KCNH1: variants seen among roughly 807,000 people sequenced by gnomAD.
The protein encoded by KCNH1 is voltage-gated delayed rectifier potassium channel KCNH1.
KCNH1 carries 27 observed loss-of-function variants against 69.2 expected under a neutral mutation model. The ratio of observed to expected loss-of-function variants is 0.39; its 90% CI spans 0.29 to 0.54. The LOEUF is 0.54. Ranked by LOEUF, KCNH1 falls within the 20% of genes least tolerant of loss-of-function variation. The pLI, the probability that KCNH1 is intolerant of heterozygous loss-of-function variation, is 0.68. For synonymous variants in KCNH1, 456 were observed against 487.7 expected (o/e 0.93, Z 0.86); for missense variants, 798 against 1,261.6 (o/e 0.63, Z 5.57).
chr1:211,115,222 C>T (rs1691548067), intron 1 of KCNH1, among the ~76,000 whole-genome samples: 1 of 152,192 alleles, frequency 6.6e-6, no homozygotes, highest in Non-Finnish European at 1.5e-5. Context: ...CTCCTAACAT[C>T]AAGTGATCCA....
chr1:210,776,666 TC>T (rs1439625083), intron 9 of KCNH1, among the ~76,000 whole-genome samples: 1 of 152,174 alleles, frequency 6.6e-6, no homozygotes, highest in Admixed American at 6.5e-5. Context: ...GTCTCAGACT[TC>T]CAGCTTCCAG....
intron 6 of KCNH1, among the ~76,000 whole-genome samples, chr1:210,935,145 C>T (rs1279613364): frequency 7.4e-5 from 11 of 148,538 alleles, no homozygotes; most frequent in Middle Eastern, 3.5e-3. Flanking sequence ...CACACACACA[C>T]ACACACACAC....
At chr1:210,797,106 CCT>C (rs10611607) in intron 9 of KCNH1, among the ~76,000 whole-genome samples, 26,102 of 152,070 alleles carry the variant, frequency 0.17, 2,381 homozygotes, top group African/African-American at 0.23. Flanking sequence ...CATGCTATCC[CCT>C]CTTTTTAGGA....
chr1:211,095,952 A>C (rs956633026), intron 3 of KCNH1, among the ~76,000 whole-genome samples: 2 of 152,192 alleles, frequency 1.3e-5, no homozygotes, highest in Non-Finnish European at 2.9e-5. Flanking sequence ...TTCTCTCACC[A>C]TCAGCCTCTT....
At chr1:211,058,676 AAAG>A (rs1373445066) in intron 5 of KCNH1, among the ~76,000 whole-genome samples, 4 of 152,318 alleles carry the variant, frequency 2.6e-5, no homozygotes, top group Non-Finnish European at 5.9e-5. Flanking sequence ...GAAAGAAATG[AAAG>A]AAGGAAGACC....
chr1:210,731,847 C>G (rs1045668411), intron 10 of KCNH1, among the ~76,000 whole-genome samples: 2 of 152,136 alleles, frequency 1.3e-5, no homozygotes, highest in Non-Finnish European at 2.9e-5. Context: ...CTGCCTAATT[C>G]CTTCTCCCAG....
At chr1:210,795,946 C>A (rs534953205) in intron 9 of KCNH1, among the ~76,000 whole-genome samples, 1 of 147,162 alleles carries the variant, frequency 6.8e-6, no homozygotes, top group Non-Finnish European at 1.5e-5. Context: ...CATGGTGAAA[C>A]CCCATCTCTA....
chr1:210,733,947 TCTCACACACACA>T (rs1473535688), intron 10 of KCNH1, among the ~76,000 whole-genome samples: 1,420 of 141,788 alleles, frequency 0.01, 43 homozygotes, highest in Admixed American at 0.07. Flanking sequence ...TGTCTGTCTG[TCTCACACACACA>T]CACACACACA....
chr1:210,726,812 G>T (rs987696029), intron 10 of KCNH1, among the ~76,000 whole-genome samples: 1,775 of 149,646 alleles, frequency 0.012, 38 homozygotes, highest in African/African-American at 0.043. Context: ...TTCCCCGGCG[G>T]GGGTGGGGTG....
chr1:210,941,498 G>C (rs1454125676), intron 6 of KCNH1, among the ~76,000 whole-genome samples: 1 of 152,196 alleles, frequency 6.6e-6, no homozygotes, highest in Admixed American at 6.5e-5. Context: ...GTACAGGCCA[G>C]TAGCCCAAAC....
At chr1:210,781,916 T>C (rs1374477267) in intron 9 of KCNH1, among the ~76,000 whole-genome samples, 1 of 152,206 alleles carries the variant, frequency 6.6e-6, no homozygotes, top group African/African-American at 2.4e-5. Context: ...TCCTACTCCC[T>C]GCCCTCCAGT....
At chr1:210,833,072 C>A (rs901255476) in intron 7 of KCNH1, among the ~76,000 whole-genome samples, 1 of 151,774 alleles carries the variant, frequency 6.6e-6, no homozygotes, top group Non-Finnish European at 1.5e-5. Context: ...TGTAAACAGT[C>A]CCTGGGAAGA....
intron 7 of KCNH1, among the ~76,000 whole-genome samples, chr1:210,855,786 A>G (rs1685820949): frequency 6.6e-6 from 1 of 152,180 alleles, no homozygotes; most frequent in Admixed American, 6.5e-5. Context: ...GGACACTGCT[A>G]TTAATATAGC....
chr1:211,032,956 T>C (rs1369456851), intron 5 of KCNH1, among the ~76,000 whole-genome samples: 5 of 152,032 alleles, frequency 3.3e-5, no homozygotes, highest in African/African-American at 9.7e-5. Flanking sequence ...AAAGAAACTA[T>C]CATCAGAGTG....
At chr1:211,049,618 G>A (rs1381256175) in intron 5 of KCNH1, among the ~76,000 whole-genome samples, 1 of 152,186 alleles carries the variant, frequency 6.6e-6, no homozygotes, top group African/African-American at 2.4e-5. Flanking sequence ...TAGTTTCATA[G>A]TCAAAGTGCT....
rs1156860913 is a variant in KCNH1 at position 210,679,463 on chromosome 1, C to G, written c.*3818G>C. The G allele has an allele frequency of 2.6e-5, 4 of 152,170 alleles. No homozygotes were observed. In the East Asian group the frequency reaches 7.7e-4, roughly 29 times the overall value. 9.4% of individuals were successfully genotyped at this position (152,170 alleles called of 1,614,324 possible). On this transcript the variant is annotated 3_prime_UTR_variant, in exon 11 of 11. Coordinates refer to ENST00000271751, the MANE Select transcript of KCNH1 (RefSeq NM_172362.3). ...TCTCCACCAGGGCTCCTAAAATTTC[C>G]CAGAGTATGCATGGGAGACATAGTG...
chr1:210,993,084 T>TA (rs1361329799), intron 6 of KCNH1, among the ~76,000 whole-genome samples: 2 of 152,034 alleles, frequency 1.3e-5, no homozygotes, highest in African/African-American at 4.8e-5. Context: ...CTCACTCACT[T>TA]AAGCTTGCCC....
chr1:210,982,065 G>C (rs1196358110), intron 6 of KCNH1, among the ~76,000 whole-genome samples: 1 of 151,996 alleles, frequency 6.6e-6, no homozygotes, highest in Non-Finnish European at 1.5e-5. Context: ...TGGTCTGGGG[G>C]TCATGAAATC....
intron 5 of KCNH1, among the ~76,000 whole-genome samples, chr1:211,070,430 A>AC (rs1553376623): frequency 0.093 from 12,791 of 136,952 alleles, 704 homozygotes; most frequent in African/African-American, 0.13. Context: ...AAAAAAAAAA[A>AC]ACACACACAC....
Sources: gnomAD v4.1 joint callset for allele counts (sites outside exome capture counted in the v4.1 genomes callset) on GRCh38, gnomAD v4.1.1 for gene constraint, MANE v1.5 for transcripts, NCBI Gene and HGNC (gene_info 2026-07-23, HGNC 2026-07-21) for gene names.